TTC23L: variants seen among roughly 807,000 people sequenced by gnomAD.
The protein encoded by TTC23L is tetratricopeptide repeat protein 23-like.
Under a neutral mutation model 48.1 loss-of-function variants are expected in TTC23L, and 42 were observed. The ratio of observed to expected loss-of-function variants is 0.87; its 90% CI spans 0.68 to 1.13. The LOEUF is 1.13. Among genes scored for constraint, TTC23L ranks in the 50% most tolerant of loss-of-function variants. The pLI is 0.00. For synonymous variants in TTC23L, 159 were observed against 157.2 expected, an observed-to-expected ratio of 1.01 and a Z score of -0.09; for missense variants, 391 against 421.0, an observed-to-expected ratio of 0.93 and a Z score of 0.62.
At chr5:34,912,511 GTGGAATTGTCTGTGGAAACGTAAAATACA>G in the TTC23L span, among the ~76,000 whole-genome samples, 188 of 152,226 alleles carry the variant, frequency 1.2e-3, no homozygotes, top group African/African-American at 4.4e-3. Context: ...ATTAATAATA[GTGGAATTGTCTGTGGAAACGTAAAATACA>G]TTTTTCTGGA....
chr5:34,915,585 G>A, the TTC23L span: 2 of 988,916 alleles, frequency 2.0e-6, no homozygotes, highest in Admixed American at 6.7e-5. Flanking sequence ...CTAGAGAGCC[G>A]CGCGTGCCGC....
intron 4 of TTC23L, among the ~76,000 whole-genome samples, chr5:34,860,043 T>C (rs1386889393): frequency 6.6e-6 from 1 of 151,898 alleles, no homozygotes; most frequent in Non-Finnish European, 1.5e-5. Flanking sequence ...GAGACAGGGT[T>C]TCACTGTGTT....
chr5:34,915,743 C>T, the TTC23L span: 3 of 1,599,080 alleles, frequency 1.9e-6, no homozygotes, highest in Non-Finnish European at 1.7e-6. Context: ...GGCAAGATGG[C>T]GGCAACCAAG....
the TTC23L span, chr5:34,922,270 A>T: frequency 1.9e-6 from 3 of 1,587,850 alleles, no homozygotes; most frequent in Non-Finnish European, 2.6e-6. Flanking sequence ...CTAAGAAAAA[A>T]CAGGATCTCT....
chr5:34,862,118 A>G (rs963486103), intron 4 of TTC23L, among the ~76,000 whole-genome samples: 6 of 152,206 alleles, frequency 3.9e-5, no homozygotes, highest in Non-Finnish European at 8.8e-5. Context: ...AGCCCTGGAC[A>G]CAGGTTTGTA....
chr5:34,857,787 C>T (rs966397256), intron 4 of TTC23L, among the ~76,000 whole-genome samples: 1 of 152,064 alleles, frequency 6.6e-6, no homozygotes, highest in African/African-American at 2.4e-5. Flanking sequence ...TAAACAGGCA[C>T]AGATAAAGTA....
chr5:34,875,861 A>G (rs62356978), intron 8 of TTC23L, among the ~76,000 whole-genome samples: 20,805 of 152,178 alleles, frequency 0.14, 1,607 homozygotes, highest in Middle Eastern at 0.22. Flanking sequence ...CTCACATGGA[A>G]CATTCACCAT....
intron 4 of TTC23L, among the ~76,000 whole-genome samples, chr5:34,851,052 A>G (rs1471010096): frequency 6.6e-6 from 1 of 152,156 alleles, no homozygotes; most frequent in Non-Finnish European, 1.5e-5. Context: ...GTGCTCATAT[A>G]TGCTTTAAAT....
the TTC23L span, chr5:34,923,074 A>G: frequency 2.0e-5 from 31 of 1,567,946 alleles, no homozygotes; most frequent in East Asian, 4.3e-4. Flanking sequence ...AAAATTAGCT[A>G]TCCAAAATAT....
chr5:34,873,269 A>C (rs1200827073), intron 8 of TTC23L, among the ~76,000 whole-genome samples: 3 of 152,248 alleles, frequency 2.0e-5, no homozygotes, highest in Non-Finnish European at 4.4e-5. Flanking sequence ...AGAGATCTGT[A>C]AATCATATCC....
chr5:34,874,709 T>A (rs1761705786), intron 8 of TTC23L, among the ~76,000 whole-genome samples: 1 of 150,402 alleles, frequency 6.6e-6, no homozygotes, highest in Non-Finnish European at 1.5e-5. Context: ...CGAGACAGAA[T>A]GAAATCTTGT....
At chr5:34,896,781 G>A (rs1291368648) in exon 10 of TTC23L, 1 of 767,396 alleles carries the variant, frequency 1.3e-6, no homozygotes, top group African/African-American at 1.7e-5. Context: ...ACAAGTAGCA[G>A]TTCATCCAGA....
At chr5:34,913,603 T>C in the TTC23L span, 4 of 1,421,974 alleles carry the variant, frequency 2.8e-6, no homozygotes, top group Admixed American at 4.2e-5. Flanking sequence ...AAAATGAAAA[T>C]TGTTACATAA....
chr5:34,848,460 A>G (rs113095607), intron 3 of TTC23L, among the ~76,000 whole-genome samples: 13,419 of 152,256 alleles, frequency 0.088, 929 homozygotes, highest in South Asian at 0.12. Context: ...TTCTGTCCTC[A>G]AGGGACTTAT....
chr5:34,853,825 G>A (rs1759888002), intron 4 of TTC23L, among the ~76,000 whole-genome samples: 1 of 152,186 alleles, frequency 6.6e-6, no homozygotes. Context: ...CTTGGGCCCT[G>A]GGAGAGCCCA....
the TTC23L span, chr5:34,920,821 C>T: frequency 1.2e-3 from 179 of 151,440 alleles, no homozygotes; most frequent in African/African-American, 4.2e-3. Flanking sequence ...CAGTAAGAAA[C>T]AAAAGTTTTG....
rs148406310 is a variant in TTC23L at position 34,893,836 on chromosome 5, A to G, written c.1078-2934A>G. ...TCAGAGGACAAAGTTTCAATGAAAG[A>G]GAGGCCAGTGTCATTGTTACGAAAG... On this transcript the variant is annotated intron_variant, in intron 9 of 10. Transcript: ENST00000505624. 2.0e-4 allele frequency among the ~76,000 whole-genome samples: 30 copies of G among 152,350 alleles called. No individual in the cohort carries two copies. In the East Asian group the frequency reaches 5.4e-3, roughly 27 times the overall value.
the TTC23L span, chr5:34,915,002 AG>A: frequency 9.9e-6 from 12 of 1,214,940 alleles, no homozygotes; most frequent in African/African-American, 3.0e-5. Flanking sequence ...AGTGCTGGCG[AG>A]GTCCGGCGAG....
chr5:34,894,198 T>C (rs1763056709), intron 9 of TTC23L, among the ~76,000 whole-genome samples: 1 of 152,144 alleles, frequency 6.6e-6, no homozygotes, highest in Non-Finnish European at 1.5e-5. Context: ...AAAATATGTA[T>C]TTATAAATAT....
Sources: allele counts gnomAD v4.1 joint callset (sites outside exome capture counted in the v4.1 genomes callset), GRCh38; gene constraint gnomAD v4.1.1; transcripts MANE v1.5; gene names NCBI Gene and HGNC (gene_info 2026-07-23, HGNC 2026-07-21).